Variants in PRTFDC1 observed in about 807,000 individuals in gnomAD.
PRTFDC1 encodes phosphoribosyl transferase domain containing 1, also known as phosphoribosyltransferase domain-containing protein 1.
In PRTFDC1, 38 loss-of-function variants were observed where a neutral mutation model predicts 34.6. The ratio of observed to expected loss-of-function variants is 1.10; its 90% CI spans 0.85 to 1.44. PRTFDC1 has a LOEUF of 1.44. PRTFDC1 is among the 40% of genes most tolerant of loss of function. The pLI, the probability that PRTFDC1 is intolerant of heterozygous loss-of-function variation, is 0.00. For missense variants in PRTFDC1, 270 were observed against 283.0 expected (o/e 0.95, Z 0.33); for synonymous variants, 93 against 98.1 (o/e 0.95, Z 0.31).
chr10:24,864,013 C>CA (rs71399939), intron 4 of PRTFDC1, among the ~76,000 whole-genome samples: 5,116 of 105,854 alleles, frequency 0.048, 352 homozygotes, highest in African/African-American at 0.17. Flanking sequence ...CAACTCGTCT[C>CA]AAAAAAAAAA....
At chr10:24,923,101 G>A (rs1019270758) in intron 3 of PRTFDC1, among the ~76,000 whole-genome samples, 5 of 152,190 alleles carry the variant, frequency 3.3e-5, no homozygotes, top group African/African-American at 9.7e-5. Context: ...TGGGAGGGTC[G>A]TCCACCATTG....
intron 5 of PRTFDC1, 80 bp downstream of exon 5, chr10:24,858,312 T>C: frequency 1.3e-6 from 2 of 1,498,622 alleles, no homozygotes; most frequent in Non-Finnish European, 1.9e-6. Flanking sequence ...CTTGGTCAAT[T>C]TGATAACAAG....
At chr10:24,927,637 A>T (rs1466184924) in intron 3 of PRTFDC1, among the ~76,000 whole-genome samples, 4 of 141,788 alleles carry the variant, frequency 2.8e-5, no homozygotes, top group Admixed American at 2.2e-4. Context: ...GCTGGAGTGC[A>T]GTGGCGCAGT....
chr10:24,908,239 G>A (rs1413798600), intron 3 of PRTFDC1: 15 of 394,124 alleles, frequency 3.8e-5, no homozygotes, highest in East Asian at 1.7e-4. Flanking sequence ...GTTGCGTTGC[G>A]TTGAATTGAA....
At chr10:24,877,586 G>C (rs1370384170) in intron 3 of PRTFDC1, among the ~76,000 whole-genome samples, 1 of 152,088 alleles carries the variant, frequency 6.6e-6, no homozygotes, top group African/African-American at 2.4e-5. Context: ...GGATTTAGCT[G>C]TTTCACTAAT....
intron 3 of PRTFDC1, among the ~76,000 whole-genome samples, chr10:24,910,243 T>C (rs1848606965): frequency 6.6e-6 from 1 of 152,176 alleles, no homozygotes. Context: ...ATCAGAATCT[T>C]GACAGCTCAC....
chr10:24,924,719 A>T (rs984340676), intron 3 of PRTFDC1, among the ~76,000 whole-genome samples: 1 of 152,234 alleles, frequency 6.6e-6, no homozygotes, highest in African/African-American at 2.4e-5. Flanking sequence ...TGAAAAAAAA[A>T]TGCTCATCAT....
intron 2 of PRTFDC1, among the ~76,000 whole-genome samples, chr10:24,940,011 G>A (rs1253469718): frequency 1.3e-5 from 2 of 152,066 alleles, no homozygotes; most frequent in African/African-American, 4.8e-5. Context: ...ATTATCCAAA[G>A]AGACATAACA....
chr10:24,881,207 C>A (rs551716479), intron 3 of PRTFDC1, among the ~76,000 whole-genome samples: 1 of 150,534 alleles, frequency 6.6e-6, no homozygotes, highest in Non-Finnish European at 1.5e-5. Context: ...GCTGGGACTA[C>A]AGATGTGCAC....
chr10:24,897,518 C>A (rs1848386910), intron 3 of PRTFDC1, among the ~76,000 whole-genome samples: 1 of 152,164 alleles, frequency 6.6e-6, no homozygotes, highest in Non-Finnish European at 1.5e-5. Context: ...GCAGGAAACC[C>A]TGTTAGCATT....
At chr10:24,929,963 G>A (rs1848946104) in intron 3 of PRTFDC1, among the ~76,000 whole-genome samples, 1 of 152,078 alleles carries the variant, frequency 6.6e-6, no homozygotes. Flanking sequence ...TGAGGCAGGA[G>A]GATCATTTGA....
intron 3 of PRTFDC1, among the ~76,000 whole-genome samples, chr10:24,930,145 G>A (rs774001077): frequency 6.6e-6 from 1 of 151,980 alleles, no homozygotes; most frequent in East Asian, 1.9e-4. Context: ...TCTTTGATTC[G>A]AGTCTCTATA....
intron 4 of PRTFDC1, among the ~76,000 whole-genome samples, chr10:24,869,415 T>C (rs1038254230): frequency 1.3e-5 from 2 of 152,194 alleles, no homozygotes; most frequent in Non-Finnish European, 2.9e-5. Flanking sequence ...TGACAACTAA[T>C]GATTTTTATT....
chr10:24,878,191 T>C (rs564714500), intron 3 of PRTFDC1, among the ~76,000 whole-genome samples: 1 of 152,102 alleles, frequency 6.6e-6, no homozygotes, highest in South Asian at 2.1e-4. Flanking sequence ...GAGAATCGCT[T>C]GAACCTGGGA....
Position 24,869,579 on chromosome 10 carries a change from C to T in PRTFDC1, c.405+2419G>A, listed in dbSNP as rs531471107. 2.5e-4 allele frequency among the ~76,000 whole-genome samples: 38 copies of T among 152,184 alleles called. 1 individual carries two copies. Among genetic ancestry groups the T allele is most frequent in the Non-Finnish European group, 4.4e-4 (30 of 68,030 alleles). Reference sequence around the variant, plus strand: ...CTGTGATGCTCAAACTGGGCTCTGGCTACTTCTGGTGGTTATTTGGTGTTA... The same window carrying T: ...CTGTGATGCTCAAACTGGGCTCTGGTTACTTCTGGTGGTTATTTGGTGTTA... On this transcript the variant is annotated intron_variant, in intron 4 of 8. Transcript: ENST00000320152.
At chr10:24,861,626 G>C (rs1847681868) in intron 4 of PRTFDC1, among the ~76,000 whole-genome samples, 1 of 151,888 alleles carries the variant, frequency 6.6e-6, no homozygotes, top group Non-Finnish European at 1.5e-5. Flanking sequence ...GCTTCCCAGA[G>C]ACAGTCACTT....
chr10:24,906,684 A>G (rs1422455288), intron 3 of PRTFDC1, among the ~76,000 whole-genome samples: 1 of 152,202 alleles, frequency 6.6e-6, no homozygotes, highest in Non-Finnish European at 1.5e-5. Flanking sequence ...GTTTTTACTT[A>G]TCAAGGAAAT....
intron 3 of PRTFDC1, among the ~76,000 whole-genome samples, chr10:24,881,891 T>G (rs1048895436): frequency 1.3e-5 from 2 of 151,666 alleles, no homozygotes; most frequent in African/African-American, 4.8e-5. Context: ...TCTCTTCGAG[T>G]GGATAATTCT....
intron 3 of PRTFDC1, among the ~76,000 whole-genome samples, chr10:24,911,531 A>G (rs1848626675): frequency 6.6e-6 from 1 of 152,080 alleles, no homozygotes; most frequent in African/African-American, 2.4e-5. Flanking sequence ...GTTATTACAA[A>G]TAAAGTTGCT....
Sources: allele counts gnomAD v4.1 joint callset (sites outside exome capture counted in the v4.1 genomes callset), GRCh38; gene constraint gnomAD v4.1.1; transcripts MANE v1.5; gene names NCBI Gene and HGNC (gene_info 2026-07-23, HGNC 2026-07-21).